MYH13: variants seen among roughly 807,000 people sequenced by gnomAD.
The protein encoded by MYH13 is myosin heavy chain 13.
A neutral mutation model predicts 232.1 loss-of-function variants in MYH13; 177 were observed. That is an observed-to-expected ratio of 0.76 (90% confidence interval 0.67 to 0.86). MYH13 has a LOEUF of 0.86. MYH13 is among the 40% of genes least tolerant of loss of function. The probability of loss-of-function intolerance (pLI) is 0.00; values close to 1 mark genes in which losing one functional copy is unlikely to be tolerated. For synonymous variants in MYH13, 884 were observed against 923.5 expected, an observed-to-expected ratio of 0.96 and a Z score of 0.78; for missense variants, 2,246 against 2,405.9, an observed-to-expected ratio of 0.93 and a Z score of 1.39.
intron 35 of MYH13, among the ~76,000 whole-genome samples, chr17:10,308,743 G>T (rs1159837161): frequency 6.6e-6 from 1 of 150,996 alleles, no homozygotes; most frequent in Non-Finnish European, 1.5e-5. Flanking sequence ...TATTTTTTTG[G>T]CAGGGTCTCC....
chr17:10,357,993 G>A (rs1378568429), intron 7 of MYH13, among the ~76,000 whole-genome samples, 166 bp from the exon 8 acceptor site: 1 of 151,850 alleles, frequency 6.6e-6, no homozygotes, highest in Non-Finnish European at 1.5e-5. Flanking sequence ...CCAGACCTGA[G>A]GCGTCTTCAA....
intron 2 of MYH13, among the ~76,000 whole-genome samples, chr17:10,369,060 T>C (rs1033285979): frequency 6.6e-6 from 1 of 152,206 alleles, no homozygotes; most frequent in African/African-American, 2.4e-5. Flanking sequence ...GTACACAAAA[T>C]AATTTTAGGC....
At chr17:10,323,138 T>TGTC (rs1344922688) in intron 23 of MYH13, among the ~76,000 whole-genome samples, 1 of 152,170 alleles carries the variant, frequency 6.6e-6, no homozygotes, top group East Asian at 1.9e-4. Context: ...CCCTAGGACA[T>TGTC]GTCGCCTTAT....
At chr17:10,355,828 CTTTTTTTTTTTTTTTTTTTTTTTTT>C (rs61338527) in intron 8 of MYH13, among the ~76,000 whole-genome samples, 11 of 66,816 alleles carry the variant, frequency 1.6e-4, no homozygotes, top group Non-Finnish European at 1.8e-4. Context: ...TTCTGTCTGA[CTTTTTTTTTTTTTTTTTTTTTTTTT>C]TTTTTTTTTT....
chr17:10,330,369 G>A lies in MYH13; in HGVS notation c.2435+18C>T. On this transcript the variant is annotated intron_variant, in intron 21 of 40. Transcript: ENST00000252172. Reference sequence around the variant, plus strand: ...AGCAGAGAGGGCAGGATAAGGTGGAGGTGAGGGTCTGTGTCACCTCCTCTC... The same window carrying A: ...AGCAGAGAGGGCAGGATAAGGTGGAAGTGAGGGTCTGTGTCACCTCCTCTC... 1 of 1,613,318 alleles carries A rather than the reference G, an allele frequency of 6.2e-7. No individual in the cohort carries two copies. The highest frequency in any genetic ancestry group is 8.5e-7 in the Non-Finnish European group (1 of 1,179,628).
chr17:10,317,524 G>A (rs1181063421), intron 27 of MYH13: 1 of 152,410 alleles, frequency 6.6e-6, no homozygotes, highest in South Asian at 2.1e-4. Flanking sequence ...GGAAACCCTC[G>A]GTGAGAGGCC....
chr17:10,356,084 A>G lies in MYH13; in HGVS notation c.739-937T>C, dbSNP rs141685502. Among the ~76,000 whole-genome samples the G allele has an allele frequency of 1.3e-4, 20 of 152,172 alleles. No individual in the cohort carries two copies. In the East Asian group the frequency reaches 3.9e-3, roughly 29 times the overall value. ...TGTGTATGCACCTGCTTCATACATT[A>G]TCTGCTTAATTGGTCCTCAACGACA... On this transcript the variant is annotated intron_variant, in intron 8 of 40. Transcript: ENST00000252172.
Position 10,360,070 on chromosome 17 carries a change from C to T in MYH13, c.535G>A (p.Gly179Arg), listed in dbSNP as rs201449968. The T allele has an allele frequency of 2.1e-4, 331 of 1,614,084 alleles. 2 individuals are homozygous for T. The highest frequency in any genetic ancestry group is 1.6e-4 in the Middle Eastern group (1 of 6,062). The change falls in exon 7 of 41, where the codon GGA becomes AGA. Residue 179 changes from glycine to arginine, a missense_variant and splice_region_variant. Transcript: ENST00000252172. Reference protein sequence around the residue: ...DRDNQSILITGESGAGKTVNT... With the variant: ...DRDNQSILITRESGAGKTVNT... ...ACAGTCTTCCCAGCCCCGGATTCTCCGCTGCCAATTTAAAAGTAAACGGGA... is the reference window on the plus strand; with the variant it reads ...ACAGTCTTCCCAGCCCCGGATTCTCTGCTGCCAATTTAAAAGTAAACGGGA...
At chr17:10,352,953 G>C (rs1412322216) in intron 11 of MYH13, among the ~76,000 whole-genome samples, 1 of 152,104 alleles carries the variant, frequency 6.6e-6, no homozygotes, top group East Asian at 1.9e-4. Flanking sequence ...CAGCAGCTGA[G>C]CTTCAGCCAA....
chr17:10,364,646 C>G (rs1397768015), intron 2 of MYH13, 104 bp from the exon 3 acceptor site: 2 of 976,806 alleles, frequency 2.0e-6, no homozygotes, highest in Non-Finnish European at 3.1e-6. Context: ...TCAAAGGCTC[C>G]TAGATTGAAC....
At position 10,321,520 on chromosome 17, in the gene MYH13, A is replaced by C; in HGVS notation, c.3111+12T>G. The C allele has an allele frequency of 6.2e-7, 1 of 1,609,188 alleles. No individual in the cohort carries two copies. The highest frequency in any genetic ancestry group is 8.5e-7 in the Non-Finnish European group (1 of 1,177,538). On this transcript the variant is annotated intron_variant, in intron 24 of 40. Transcript: ENST00000252172. ...TGATAAATGCTAAAGCATAGTAGTA[A>C]AATATCCTCACATCATCTGTTTGCT...
intron 22 of MYH13, among the ~76,000 whole-genome samples, chr17:10,325,643 C>G (rs775745309): frequency 6.6e-6 from 1 of 152,190 alleles, no homozygotes; most frequent in Non-Finnish European, 1.5e-5. Flanking sequence ...TGTTCTAAAT[C>G]GGGCTATATC....
chr17:10,312,947 G>T (rs185362270), intron 30 of MYH13, among the ~76,000 whole-genome samples, 190 bp from the exon 31 acceptor site: 1 of 151,962 alleles, frequency 6.6e-6, no homozygotes, highest in East Asian at 1.9e-4. Context: ...GGCAAAGCAG[G>T]TCCCTAAGGA....
intron 2 of MYH13, among the ~76,000 whole-genome samples, chr17:10,368,033 G>T (rs2071850288): frequency 6.6e-6 from 1 of 152,130 alleles, no homozygotes; most frequent in South Asian, 2.1e-4. Flanking sequence ...ATTTTGAGTG[G>T]ATCTTCTTTT....
rs1387646246 is a variant in MYH13, at chr17:10,316,024, C to T, written c.3740G>A (p.Ser1247Asn). 1.2e-6 allele frequency: 2 copies of T among 1,613,858 alleles called. No homozygotes were observed. Among genetic ancestry groups the T allele is most frequent in the African/African-American group, 1.3e-5 (1 of 74,924 alleles). Residue 1247 changes from serine to asparagine, a missense_variant and splice_region_variant, in exon 28 of 41, where the codon AGT becomes AAT. Transcript: ENST00000252172. ...CGTCCGGCACGTTCTTTCTATGTTA[C>T]TCTTTAACAAACAGAAAGTCAACAC... ...SNIEALSKSK[S>N]NIERTCRTVE...
At chr17:10,310,865 A>C (rs530840265) in intron 33 of MYH13, among the ~76,000 whole-genome samples, 1 of 152,208 alleles carries the variant, frequency 6.6e-6, no homozygotes, top group South Asian at 2.1e-4. Flanking sequence ...TCCTGAGAGG[A>C]AGACATTGAA....
intron 12 of MYH13, among the ~76,000 whole-genome samples, chr17:10,349,803 GCA>G (rs1428456136): frequency 6.6e-6 from 1 of 152,146 alleles, no homozygotes; most frequent in Non-Finnish European, 1.5e-5. Context: ...ATTTATGGCT[GCA>G]CTTCCTTTTT....
In MYH13 at chr17:10,309,499, G is replaced by T. The variant is rs1387185415; in HGVS notation, c.4965+23C>A. 15 of 1,601,420 alleles carry T rather than the reference G, an allele frequency of 9.4e-6. No homozygotes were observed. The African/African-American group carries it at 2.0e-4, about 21-fold the overall frequency. On this transcript the variant is annotated intron_variant, in intron 34 of 40. Transcript: ENST00000252172. ...GGCAGGCTGGGGCCCGTCCAGGTAC[G>T]CAGAGGCGGCCACCGTGCTCACCTT...
At chr17:10,348,790 G>A (rs979011534) in intron 12 of MYH13, among the ~76,000 whole-genome samples, 21 of 152,024 alleles carry the variant, frequency 1.4e-4, no homozygotes, top group Non-Finnish European at 2.5e-4. Flanking sequence ...CTTGGACAGC[G>A]GCTTCCGTGG....
Sources: gnomAD v4.1 joint callset for allele counts (sites outside exome capture counted in the v4.1 genomes callset) on GRCh38, gnomAD v4.1.1 for gene constraint, MANE v1.5 for transcripts, NCBI Gene and HGNC (gene_info 2026-07-23, HGNC 2026-07-21) for gene names.